The following ADCY3 variants were observed in gnomAD, a reference collection of about 807,000 sequenced individuals.
ADCY3 encodes the protein adenylate cyclase type 3.
ADCY3 carries 70 observed loss-of-function variants against 119.4 expected under a neutral mutation model. The observed-to-expected ratio is 0.59, with a 90% CI of 0.48 to 0.72. The LOEUF (loss-of-function observed/expected upper bound fraction) is 0.72. Among genes scored for constraint, ADCY3 ranks in the 30% least tolerant of loss-of-function variants. ADCY3 has a pLI of 0.00. For synonymous variants in ADCY3, 672 were observed against 621.4 expected (o/e 1.08, Z -1.21); for missense variants, 1,238 against 1,541.6 (o/e 0.80, Z 3.30).
intron 2 of ADCY3, among the ~76,000 whole-genome samples, chr2:24,910,934 C>T (rs781333471): frequency 2.6e-5 from 4 of 152,074 alleles, no homozygotes; most frequent in Non-Finnish European, 5.9e-5. Flanking sequence ...TGTGAGCCAC[C>T]GCGCCTGGCC....
chr2:24,830,879 C>T (rs1027009690), intron 12 of ADCY3, 54 bp from the exon 13 acceptor site: 52 of 1,411,522 alleles, frequency 3.7e-5, no homozygotes, highest in Non-Finnish European at 4.7e-5. Flanking sequence ...CTTTCTCCTG[C>T]GACGTGACTG....
At position 24,898,943 on chromosome 2, in the gene ADCY3, C is replaced by T. The variant is rs1678604880; in HGVS notation, c.675+19370G>A. Among the ~76,000 whole-genome samples the T allele has an allele frequency of 1.3e-5, 2 of 152,172 alleles. No individual in the cohort carries two copies. The highest frequency in any genetic ancestry group is 4.1e-4 in the South Asian group (2 of 4,830). On this transcript the variant is annotated intron_variant, in intron 2 of 21. Transcript: ENST00000679454. The surrounding 1 kb of genome is among the most constrained non-coding windows in gnomAD (Gnocchi z 4.3). ...CACGGCAGGTGACCTGCCCTCCCTC[C>T]AGCTCCACCACCATTCTCCCTGTTC...
At chr2:24,917,951 G>A (rs1664659148) in intron 2 of ADCY3, among the ~76,000 whole-genome samples, 1 of 152,168 alleles carries the variant, frequency 6.6e-6, no homozygotes, top group African/African-American at 2.4e-5. Flanking sequence ...GGGAATCAAG[G>A]AGCCCTCTTC....
intron 19 of ADCY3, chr2:24,822,083 C>T: frequency 5.3e-6 from 1 of 188,744 alleles, no homozygotes; most frequent in Non-Finnish European, 1.1e-5. Context: ...TGTTTTAAGA[C>T]CAGAGCTTGG....
rs538302749 is a variant in ADCY3, at chr2:24,822,911, A to G, written c.2884-281T>C. 4.6e-5 allele frequency among the ~76,000 whole-genome samples: 7 copies of G among 152,310 alleles called. No homozygotes were observed. The East Asian group carries it at 1.4e-3, about 29-fold the overall frequency. On this transcript the variant is annotated intron_variant, in intron 18 of 21. Coordinates refer to ENST00000679454, the MANE Select transcript of ADCY3 (RefSeq NM_004036.5). ...ATTCTCCCTGGTATACAGGTCACCC[A>G]GTCAATGCTGACCGGCTCTGAATTT... is the stretch of plus-strand genomic sequence containing the variant.
At chr2:24,835,113 G>A (rs939626351) in intron 9 of ADCY3, among the ~76,000 whole-genome samples, 177 bp from the exon 10 acceptor site, 1 of 142,912 alleles carries the variant, frequency 7.0e-6, no homozygotes, top group Non-Finnish European at 1.6e-5. Flanking sequence ...GTGGCTCCAT[G>A]TGGCCTGGAT....
chr2:24,855,839 A>T (rs111356941), intron 3 of ADCY3, among the ~76,000 whole-genome samples: 2,509 of 152,286 alleles, frequency 0.016, 67 homozygotes, highest in African/African-American at 0.051. Flanking sequence ...TTCTCACCCC[A>T]GGGCAATCTG....
At position 24,830,746 on chromosome 2, in the gene ADCY3, GCGAGCAT is replaced by G. The variant is rs1245165766; in HGVS notation, c.2128_2134del (p.Met710ProfsTer6). The G allele has an allele frequency of 6.2e-7, 1 of 1,614,116 alleles. No homozygotes were observed. The highest frequency in any genetic ancestry group is 1.3e-5 in the African/African-American group (1 of 75,050). On this transcript the variant is annotated frameshift_variant, in exon 13 of 22. Coordinates refer to ENST00000679454, the MANE Select transcript of ADCY3 (RefSeq NM_004036.5). LOFTEE classifies it high-confidence loss of function. ...ATTTGCCATCACCAGGATGAAGATG[GCGAGCAT>G]GGCCCAGGTGTTCCTGGCCCAGCGG...
chr2:24,824,883 C>T (rs1668366947), intron 16 of ADCY3, among the ~76,000 whole-genome samples: 1 of 152,152 alleles, frequency 6.6e-6, no homozygotes, highest in African/African-American at 2.4e-5. Flanking sequence ...GAGTGAGACT[C>T]AGTCTCAAAA....
At position 24,824,378 on chromosome 2, in the gene ADCY3, C is replaced by T; in HGVS notation, c.2736G>A (p.Glu912=). 1 of 1,614,100 alleles carries T rather than the reference C, an allele frequency of 6.2e-7. No homozygotes were observed. Among genetic ancestry groups the T allele is most frequent in the Non-Finnish European group, 8.5e-7 (1 of 1,179,958 alleles). The part of the protein sequence containing the change: ...RHFLGSKKRD[E]ELYSQTYDEI... ...TCCGGGCTGAGACCACACCCCTCAC[C>T]TCATCTCTCTTCTTGGACCCCAGGA... Residue 912 remains glutamate (E), a splice_region_variant and synonymous_variant, in exon 17 of 22, where the codon GAG becomes GAA. Transcript: ENST00000679454.
At chr2:24,890,348 G>A (rs1677522297) in intron 2 of ADCY3, among the ~76,000 whole-genome samples, 1 of 152,098 alleles carries the variant, frequency 6.6e-6, no homozygotes, top group Non-Finnish European at 1.5e-5. Context: ...AAATAAGTTG[G>A]GAAATGTTCC....
intron 17 of ADCY3, 36 bp downstream of exon 17, chr2:24,824,342 G>T (rs1668288901): frequency 6.2e-7 from 1 of 1,606,782 alleles, no homozygotes; most frequent in Admixed American, 1.7e-5. Flanking sequence ...GGAGACAAAT[G>T]GCCTCATGGT....
At position 24,867,101 on chromosome 2, in the gene ADCY3, A is replaced by G. The variant is rs577130910; in HGVS notation, c.825+5469T>C. ...ATACCAAGCAGAGCAACTGCAAAGA[A>G]AACTCCCAGGCGCAGCATCGTAAAA... On this transcript the variant is annotated intron_variant, in intron 3 of 21. Transcript: ENST00000679454. Among the ~76,000 whole-genome samples the G allele has an allele frequency of 2.0e-5, 3 of 152,372 alleles. No homozygotes were observed. In the South Asian group the frequency reaches 6.2e-4, roughly 32 times the overall value.
rs551028336 is a variant in ADCY3 at position 24,834,533 on chromosome 2, C to A, written c.1919G>T (p.Cys640Phe). The A allele has an allele frequency of 6.2e-7, 1 of 1,613,846 alleles. No individual in the cohort carries two copies. The highest frequency in any genetic ancestry group is 1.1e-5 in the South Asian group (1 of 91,066). Residue 640 changes from cysteine (C) to phenylalanine (F), a missense_variant, in exon 11 of 22, where the codon TGC becomes TTC. Physicochemically the swap from Cys to Phe is radical, Grantham distance 205 (BLOSUM62 -2). Around this residue, in one of 7 missense-constraint regions of ADCY3, gnomAD observed 499 missense variants for 571.0 expected, o/e 0.87. Transcript: ENST00000679454. The surrounding 1 kb of genome is among the most constrained non-coding windows in gnomAD (Gnocchi z 4.2). The part of the protein sequence containing the change: ...KQSGAAFSCS[C>F]VVLLCTALVE... ...CAGGGCCGTGCAGAGCAGGACGACG[C>A]AGGAGCAGCTGAAGGCAGCCCCACT...
chr2:24,903,204 C>G (rs891189881), intron 2 of ADCY3, among the ~76,000 whole-genome samples: 1 of 151,866 alleles, frequency 6.6e-6, no homozygotes, highest in Non-Finnish European at 1.5e-5. Context: ...GGGGGCAGCA[C>G]CCCTAACGCC....
At chr2:24,850,826 C>T (rs1022429484) in intron 3 of ADCY3, among the ~76,000 whole-genome samples, 1 of 152,150 alleles carries the variant, frequency 6.6e-6, no homozygotes, top group Non-Finnish European at 1.5e-5. Context: ...CATAATGAAA[C>T]AACAGTATTG....
intron 13 of ADCY3, among the ~76,000 whole-genome samples, chr2:24,829,597 A>AT (rs969017762): frequency 6.6e-6 from 1 of 150,382 alleles, no homozygotes; most frequent in Non-Finnish European, 1.5e-5. Context: ...ATTTTTTTGT[A>AT]TTTTTAGTAG....
intron 12 of ADCY3, 93 bp from the exon 13 acceptor site, chr2:24,830,918 A>G: frequency 2.0e-6 from 2 of 981,044 alleles, no homozygotes; most frequent in East Asian, 4.9e-5. Flanking sequence ...CCCGTATTCC[A>G]GTCCCAGGAG....
At position 24,918,933 on chromosome 2, in the gene ADCY3, C is replaced by A; in HGVS notation, c.55G>T (p.Glu19Ter). The part of the protein sequence containing the change: ...EPEYSAEYSA[E>*]YSVSLPSDPD... The stretch of plus-strand genomic sequence containing the variant: ...TCGGAGGGCAGGCTGACGGAGTACT[C>A]GGCTGAGTACTCGGCCGAGTATTCG... Residue 19 changes from glutamate (E) to a stop codon, truncating the protein, a stop_gained, in exon 2 of 22, where the codon GAG becomes TAG. Transcript: ENST00000679454. LOFTEE classifies it high-confidence loss of function. The surrounding 1 kb of genome is among the most constrained non-coding windows in gnomAD (Gnocchi z 5.4). 6.2e-7 allele frequency: 1 copy of A among 1,611,404 alleles called. No individual in the cohort carries two copies. The highest frequency in any genetic ancestry group is 8.5e-7 in the Non-Finnish European group (1 of 1,179,654).
Sources: gnomAD v4.1 joint callset for allele counts (sites outside exome capture counted in the v4.1 genomes callset) on GRCh38, gnomAD v4.1.1 for gene constraint, gnomAD v4.1.1 regional missense constraint, Gnocchi (gnomAD v3.1) non-coding constraint, MANE v1.5 for transcripts, NCBI Gene and HGNC (gene_info 2026-07-23, HGNC 2026-07-21) for gene names.